The following RELCH variants were observed in gnomAD, a reference collection of about 807,000 sequenced individuals.
The protein encoded by RELCH is RAB11-binding protein RELCH.
Under a neutral mutation model 150.3 loss-of-function variants are expected in RELCH, and 41 were observed. The ratio of observed to expected loss-of-function variants is 0.27; its 90% confidence interval spans 0.21 to 0.35. The LOEUF (loss-of-function observed/expected upper bound fraction) is 0.35, where lower values mean the gene tolerates loss of function less well. Among genes scored for constraint, RELCH ranks in the 10% least tolerant of loss-of-function variants. The pLI, the probability that RELCH is intolerant of heterozygous loss-of-function variation, is 1.00. For missense variants in RELCH, 1,092 were observed against 1,467.8 expected, an observed-to-expected ratio of 0.74 and a Z score of 4.18; for synonymous variants, 478 against 531.8, an observed-to-expected ratio of 0.90 and a Z score of 1.39.
intron 9 of RELCH, among the ~76,000 whole-genome samples, chr18:62,231,786 G>A (rs1287130877): frequency 6.6e-6 from 1 of 151,726 alleles, no homozygotes. Context: ...GCTGTTCTGT[G>A]TTTCATTTCA....
intron 1 of RELCH, among the ~76,000 whole-genome samples, chr18:62,189,324 C>T (rs1309430006): frequency 7.5e-6 from 1 of 133,524 alleles, no homozygotes; most frequent in African/African-American, 2.8e-5. Context: ...TAAATTATCT[C>T]ATGATTTTTC....
rs145122570 is a variant in RELCH, at chr18:62,267,406, A to T, written c.2680+657A>T. 4.3e-4 allele frequency among the ~76,000 whole-genome samples: 65 copies of T among 150,062 alleles called. No homozygotes were observed. In the East Asian group the frequency reaches 8.4e-3, roughly 19 times the overall value. ...TGAATATATATCTCTCTATATATAG[A>T]ATATATATATAGTCTAGGTATATAT... On this transcript the variant is annotated intron_variant, in intron 19 of 28. Coordinates refer to ENST00000644646, the MANE Select transcript of RELCH (RefSeq NM_001346231.2).
rs2043734459 is a variant in RELCH, at chr18:62,268,875, C to T, written c.2687C>T (p.Ser896Leu). ...ATTATTTTAATAATTTTAGATTCCT[C>T]AGCAGGAAATGGGGTCCTCACTAAA... ...LRLSEENIDS[S>L]AGNGVLTKAT... Residue 896 changes from serine (S) to leucine (L), a missense_variant, in exon 20 of 29, where the codon TCA becomes TTA. Ser to Leu is a moderately radical substitution (Grantham distance 145). Around this residue, in one of 4 missense-constraint regions of RELCH, gnomAD observed 707 missense variants for 1,025.4 expected, o/e 0.69. Transcript: ENST00000644646. 4.0e-6 allele frequency: 6 copies of T among 1,494,444 alleles called. No individual in the cohort carries two copies. The highest frequency in any genetic ancestry group is 5.4e-6 in the Non-Finnish European group (6 of 1,105,638). The allele number at this position is 1,494,444 out of a possible 1,614,324, so 92.6% of individuals were successfully genotyped here. A position where few individuals can be genotyped will look rare whatever the true frequency, so the allele number is the denominator to read the frequency against.
intron 20 of RELCH, among the ~76,000 whole-genome samples, chr18:62,269,173 G>A (rs1165579646): frequency 2.0e-5 from 3 of 152,064 alleles, no homozygotes; most frequent in East Asian, 3.9e-4. Flanking sequence ...TTGATATTTT[G>A]TTAGAAGTGT....
In RELCH at chr18:62,305,683, T is replaced by C; in HGVS notation, c.*149T>C. 1 of 746,914 alleles carries C rather than the reference T, an allele frequency of 1.3e-6. No individual in the cohort carries two copies. The highest frequency in any genetic ancestry group is 2.0e-6 in the Non-Finnish European group (1 of 499,372). 46.3% of individuals were successfully genotyped at this position (746,914 alleles called of 1,614,324 possible). A position where few individuals can be genotyped will look rare whatever the true frequency, so the allele number is the denominator to read the frequency against. On this transcript the variant is annotated 3_prime_UTR_variant, in exon 29 of 29. Transcript: ENST00000644646. The surrounding 1 kb of genome is among the most constrained non-coding windows in gnomAD (Gnocchi z 4.0). Reference sequence around the variant, plus strand: ...ACCTCCAAAGATATTTGCACTGCTTTTAATTACTGCTGTATATTTGTTGAT... The same window carrying C: ...ACCTCCAAAGATATTTGCACTGCTTCTAATTACTGCTGTATATTTGTTGAT...
intron 26 of RELCH, among the ~76,000 whole-genome samples, chr18:62,291,128 T>C (rs2145053281): frequency 6.6e-6 from 1 of 152,346 alleles, no homozygotes; most frequent in East Asian, 1.9e-4. Context: ...TTATACGTAA[T>C]AGTTAAACAG....
chr18:62,279,033 T>A (rs2044362754), intron 22 of RELCH, among the ~76,000 whole-genome samples: 2 of 152,182 alleles, frequency 1.3e-5, no homozygotes, highest in African/African-American at 2.4e-5. Flanking sequence ...TTTAGGTATG[T>A]TATTTGCAAA....
intron 12 of RELCH, among the ~76,000 whole-genome samples, chr18:62,254,413 A>G (rs933673872): frequency 6.6e-6 from 1 of 152,118 alleles, no homozygotes; most frequent in Non-Finnish European, 1.5e-5. Context: ...TTGCTAATAT[A>G]TAGACATACA....
chr18:62,235,484 C>CA (rs1388603352), intron 10 of RELCH: 1 of 152,014 alleles, frequency 6.6e-6, no homozygotes, highest in East Asian at 1.9e-4. Flanking sequence ...TTCACTTCTG[C>CA]AAAACAGGTC....
chr18:62,221,190 A>G (rs1448866118), intron 3 of RELCH, 29 bp from the exon 4 acceptor site: 2 of 1,598,656 alleles, frequency 1.3e-6, no homozygotes, highest in East Asian at 2.2e-5. Flanking sequence ...GTAAAATAGT[A>G]AAATAGTACT....
chr18:62,280,639 C>A lies in RELCH; in HGVS notation c.3051-7C>A. 1 of 1,605,404 alleles carries A rather than the reference C, an allele frequency of 6.2e-7. No homozygotes were observed. Among genetic ancestry groups the A allele is most frequent in the Non-Finnish European group, 8.5e-7 (1 of 1,172,606 alleles). On this transcript the variant is annotated splice_polypyrimidine_tract_variant and splice_region_variant and intron_variant, in intron 23 of 28. Coordinates refer to ENST00000644646, the MANE Select transcript of RELCH (RefSeq NM_001346231.2). ...TCTTCAGTTTCTTTCTGTTTTAATT[C>A]TAACAGCTCTGTCAGGATTGCCACA...
At chr18:62,199,454 T>G (rs2039277125) in intron 1 of RELCH, among the ~76,000 whole-genome samples, 1 of 152,224 alleles carries the variant, frequency 6.6e-6, no homozygotes, top group Non-Finnish European at 1.5e-5. Flanking sequence ...GTAGACAGTT[T>G]ATAGAAAATT....
intron 1 of RELCH, among the ~76,000 whole-genome samples, chr18:62,198,789 TA>T (rs2039222518): frequency 6.6e-6 from 1 of 152,104 alleles, no homozygotes; most frequent in Non-Finnish European, 1.5e-5. Flanking sequence ...AAACCTTTTT[TA>T]GTAGCAAAAA....
At chr18:62,263,033 G>C (rs1407314760) in intron 16 of RELCH, among the ~76,000 whole-genome samples, 1 of 151,982 alleles carries the variant, frequency 6.6e-6, no homozygotes, top group Non-Finnish European at 1.5e-5. Flanking sequence ...CTTTCTGTGT[G>C]CTTGTTTCTG....
At chr18:62,259,432 T>C (rs2043149860) in intron 15 of RELCH, among the ~76,000 whole-genome samples, 1 of 151,312 alleles carries the variant, frequency 6.6e-6, no homozygotes, top group South Asian at 2.1e-4. Flanking sequence ...ACCAAAGAGA[T>C]GAAGGATCTC....
At chr18:62,223,706 G>A (rs1479115369) in intron 5 of RELCH, among the ~76,000 whole-genome samples, 1 of 151,950 alleles carries the variant, frequency 6.6e-6, no homozygotes, top group African/African-American at 2.4e-5. Context: ...AAATTAAACA[G>A]AATGTTAAAA....
chr18:62,255,286 A>AAGTGGAAAAGGAAGAAGCTTT lies in RELCH; in HGVS notation c.1825-119_1825-99dup, dbSNP rs529330787. On this transcript the variant is annotated intron_variant, in intron 12 of 28. Coordinates refer to ENST00000644646, the MANE Select transcript of RELCH (RefSeq NM_001346231.2). ...GGTATAGTCAAACAGGGATTCCCAG[A>AAGTGGAAAAGGAAGAAGCTTT]AGTGGAAAAGGAAGAAGCTTTATTG... 3.8e-3 allele frequency: 2,806 copies of AAGTGGAAAAGGAAGAAGCTTT among 739,600 alleles called. 8 individuals carry two copies. Among genetic ancestry groups the AAGTGGAAAAGGAAGAAGCTTT allele is most frequent in the Middle Eastern group, 6.2e-3 (26 of 4,168 alleles). 45.8% of individuals were successfully genotyped at this position (739,600 alleles called of 1,614,324 possible).
intron 25 of RELCH, among the ~76,000 whole-genome samples, chr18:62,283,546 C>CA (rs1326273272): frequency 2.0e-5 from 3 of 152,036 alleles, no homozygotes; most frequent in Non-Finnish European, 4.4e-5. Context: ...GAGTCATCAA[C>CA]AAAAAATACT....
At chr18:62,291,266 G>A (rs1046794989) in intron 26 of RELCH, among the ~76,000 whole-genome samples, 1 of 152,042 alleles carries the variant, frequency 6.6e-6, no homozygotes, top group African/African-American at 2.4e-5. Context: ...TGACTTAATT[G>A]TTACGCTCAC....
Sources: allele counts gnomAD v4.1 joint callset (sites outside exome capture counted in the v4.1 genomes callset), GRCh38; gene constraint gnomAD v4.1.1; regional missense constraint gnomAD v4.1.1; non-coding constraint Gnocchi (gnomAD v3.1); transcripts MANE v1.5; gene names NCBI Gene and HGNC (gene_info 2026-07-23, HGNC 2026-07-21).